DGKD: variants seen among roughly 807,000 people sequenced by gnomAD.
DGKD encodes the protein DAG kinase delta.
In DGKD, 68 loss-of-function variants were observed where a neutral mutation model predicts 154.4. The observed-to-expected ratio is 0.44, with a 90% confidence interval of 0.36 to 0.54. The LOEUF is 0.54. Ranked by LOEUF, DGKD falls within the 20% of genes least tolerant of loss-of-function variation. The pLI, the probability that DGKD is intolerant of heterozygous loss-of-function variation, is 0.00. For synonymous variants in DGKD, 693 were observed against 638.0 expected (o/e 1.09, Z -1.30); for missense variants, 1,343 against 1,593.6 (o/e 0.84, Z 2.68).
chr2:233,469,228 A>G (rs2063924787), intron 29 of DGKD, 143 bp from the exon 30 acceptor site: 1 of 685,332 alleles, frequency 1.5e-6, no homozygotes. Context: ...AGCTGTTTCC[A>G]TCTTGTTTTA....
chr2:233,435,183 AGTGGTCGGCCCCT>A (rs751122799), intron 5 of DGKD, among the ~76,000 whole-genome samples: 2 of 152,216 alleles, frequency 1.3e-5, no homozygotes, highest in Non-Finnish European at 2.9e-5. Context: ...CTGAAGGAAC[AGTGGTCGGCCCCT>A]GTGTCTCACA....
At position 233,441,761 on chromosome 2, in the gene DGKD, C is replaced by T. The variant is rs530713936; in HGVS notation, c.1086-126C>T. 8.7e-6 allele frequency: 7 copies of T among 805,846 alleles called. No homozygotes were observed. Among genetic ancestry groups the T allele is most frequent in the East Asian group, 7.8e-5 (3 of 38,598 alleles). The allele number at this position is 805,846 out of a possible 1,614,324, so 49.9% of individuals were successfully genotyped here. ...CTGGTGTCACGTGGCAGGGCCTGTG[C>T]GTGCTCTGCCTCTGGTGCAGGTCAG... On this transcript the variant is annotated intron_variant, in intron 9 of 29. Coordinates refer to ENST00000264057, the MANE Select transcript of DGKD (RefSeq NM_152879.3). This position sits in a 1 kb window ranked among gnomAD's most constrained non-coding sequence, Gnocchi z 5.6.
chr2:233,390,333 C>G, intron 2 of DGKD, 70 bp from the exon 3 acceptor site: 1 of 1,154,522 alleles, frequency 8.7e-7, no homozygotes, highest in Non-Finnish European at 1.3e-6. Context: ...GTGTGGTGGG[C>G]AGCGCTGGCT....
intron 14 of DGKD, among the ~76,000 whole-genome samples, chr2:233,448,760 G>A (rs2063167769): frequency 6.6e-6 from 1 of 152,158 alleles, no homozygotes; most frequent in South Asian, 2.1e-4. Context: ...TGGTTACAAA[G>A]GTCACACTCC....
chr2:233,391,469 A>T (rs943541749), intron 3 of DGKD, among the ~76,000 whole-genome samples: 1 of 152,024 alleles, frequency 6.6e-6, no homozygotes, highest in Non-Finnish European at 1.5e-5. Context: ...CTAAATGTTC[A>T]TGATATTATT....
intron 3 of DGKD, among the ~76,000 whole-genome samples, chr2:233,398,991 A>T (rs1361456699): frequency 1.3e-5 from 2 of 152,108 alleles, no homozygotes; most frequent in African/African-American, 4.8e-5. Flanking sequence ...TTCGAGTTTT[A>T]TGCTTTTATT....
intron 3 of DGKD, among the ~76,000 whole-genome samples, chr2:233,418,891 C>T (rs936870810): frequency 6.6e-6 from 1 of 152,152 alleles, no homozygotes; most frequent in Non-Finnish European, 1.5e-5. Context: ...TCACCCGGAC[C>T]TGGGCACTCA....
chr2:233,390,493 C>T lies in DGKD; in HGVS notation c.348+10C>T. ...CAACAACAGTTTTACGGTAAGATTC[C>T]TCAGTCATGCCTTTCTTGATTCTTC... On this transcript the variant is annotated intron_variant, in intron 3 of 29. Coordinates refer to ENST00000264057, the MANE Select transcript of DGKD (RefSeq NM_152879.3). 1 of 1,608,312 alleles carries T rather than the reference C, an allele frequency of 6.2e-7. No individual in the cohort carries two copies. Among genetic ancestry groups the T allele is most frequent in the South Asian group, 1.1e-5 (1 of 90,936 alleles).
chr2:233,459,846 T>G lies in DGKD; in HGVS notation c.2784T>G (p.Ile928Met), dbSNP rs775037701. 6.2e-7 allele frequency: 1 copy of G among 1,613,920 alleles called. No individual in the cohort carries two copies. The highest frequency in any genetic ancestry group is 1.7e-5 in the Admixed American group (1 of 60,008). ...GEAWVQPPGYIRIVHKNRAQT... is the reference protein window; with the variant it reads ...GEAWVQPPGYMRIVHKNRAQT... ...CCTGGGTCCAGCCGCCAGGGTACATTCGGATTGTCCACAAGAACCGGGCAC... is the reference window on the plus strand; with the variant it reads ...CCTGGGTCCAGCCGCCAGGGTACATGCGGATTGTCCACAAGAACCGGGCAC... The change falls in exon 23 of 30, where the codon ATT (isoleucine) becomes ATG (methionine). Residue 928 changes from isoleucine to methionine, a missense_variant. Ile to Met is a conservative substitution (Grantham distance 10, BLOSUM62 1). Around this residue, in one of 6 missense-constraint regions of DGKD, gnomAD observed 429 missense variants for 496.3 expected, o/e 0.86. Transcript: ENST00000264057. The surrounding 1 kb of genome is among the most constrained non-coding windows in gnomAD (Gnocchi z 5.7).
chr2:233,432,913 C>T (rs879266334), intron 3 of DGKD, among the ~76,000 whole-genome samples: 2 of 152,124 alleles, frequency 1.3e-5, no homozygotes, highest in Non-Finnish European at 2.9e-5. Context: ...ACCCCAGTTA[C>T]AATGACTTTT....
In DGKD at chr2:233,462,429, C is replaced by T; in HGVS notation, c.3063C>T (p.Asp1021=). The T allele has an allele frequency of 6.2e-7, 1 of 1,602,476 alleles. No individual in the cohort carries two copies. ...HAVNASSKSM[D]RVYGKPRTTE... is the part of the protein sequence containing the mutation. The stretch of plus-strand genomic sequence containing the variant: ...TCAATGCCAGCTCCAAGTCCATGGA[C>T]CGTGTGTATGGCAAGCCCAGAACCA... Residue 1021 remains aspartate (D), a synonymous_variant, in exon 25 of 30, where the codon GAC becomes GAT. Coordinates refer to ENST00000264057, the MANE Select transcript of DGKD (RefSeq NM_152879.3).
intron 3 of DGKD, among the ~76,000 whole-genome samples, chr2:233,423,610 T>C (rs549857440): frequency 6.6e-6 from 1 of 152,314 alleles, no homozygotes; most frequent in East Asian, 1.9e-4. Flanking sequence ...GCTCTCAGCT[T>C]GGCCTCCTCT....
intron 1 of DGKD, among the ~76,000 whole-genome samples, chr2:233,385,771 T>C (rs1171085168): frequency 6.6e-6 from 1 of 152,256 alleles, no homozygotes; most frequent in Admixed American, 6.5e-5. Context: ...TTTAAAAATA[T>C]TCTGCAGCAT....
chr2:233,385,999 G>T (rs1280656792), intron 1 of DGKD: 1 of 463,970 alleles, frequency 2.2e-6, no homozygotes, highest in Admixed American at 2.4e-5. Flanking sequence ...GTGTGCGTGT[G>T]TGTGCGTGTG....
rs1451930767 is a variant in DGKD at position 233,438,758 on chromosome 2, CT to C, written c.1085+380del. 0.024 allele frequency among the ~76,000 whole-genome samples: 605 copies of C among 24,782 alleles called. 7 individuals are homozygous for C. Among genetic ancestry groups the C allele is most frequent in the African/African-American group, 0.068 (580 of 8,498 alleles). The allele number at this position is 24,782 out of a possible 152,430, so 16.3% of individuals were successfully genotyped here. A position where few individuals can be genotyped will look rare whatever the true frequency, so the allele number is the denominator to read the frequency against. ...TTTTATTTATCTGTCTATCTATCAT[CT>C]ATCTATCTATCTATCTATCTATCTA... On this transcript the variant is annotated intron_variant, in intron 9 of 29. Transcript: ENST00000264057. This position sits in a 1 kb window ranked among gnomAD's most constrained non-coding sequence, Gnocchi z 4.1.
chr2:233,419,522 T>C, intron 3 of DGKD: 1 of 837,198 alleles, frequency 1.2e-6, no homozygotes, highest in South Asian at 5.4e-5. Context: ...TGAGCTTCCT[T>C]GTAAGATGCT....
intron 3 of DGKD, among the ~76,000 whole-genome samples, chr2:233,421,615 TCTG>T (rs1200089879): frequency 6.6e-6 from 1 of 152,142 alleles, no homozygotes; most frequent in African/African-American, 2.4e-5. Flanking sequence ...CGCGCCTGCT[TCTG>T]CTCAGCCCTT....
chr2:233,407,191 G>A (rs1192562016), intron 3 of DGKD, among the ~76,000 whole-genome samples: 2 of 152,230 alleles, frequency 1.3e-5, no homozygotes, highest in Non-Finnish European at 2.9e-5. Flanking sequence ...TAGTAGGAAA[G>A]TAATAGGGTT....
At chr2:233,431,711 A>G (rs1205163958) in intron 3 of DGKD, among the ~76,000 whole-genome samples, 1 of 152,272 alleles carries the variant, frequency 6.6e-6, no homozygotes, top group Non-Finnish European at 1.5e-5. Context: ...TACCAAGAAC[A>G]TATACTGAGG....
Sources: gnomAD v4.1 joint callset for allele counts (sites outside exome capture counted in the v4.1 genomes callset) on GRCh38, gnomAD v4.1.1 for gene constraint, gnomAD v4.1.1 regional missense constraint, Gnocchi (gnomAD v3.1) non-coding constraint, MANE v1.5 for transcripts, NCBI Gene and HGNC (gene_info 2026-07-23, HGNC 2026-07-21) for gene names.